CFH: variants seen among roughly 807,000 people sequenced by gnomAD.
The protein encoded by CFH is complement factor H, also known as H factor 1 (complement).
In CFH, 53 loss-of-function variants were observed where a neutral mutation model predicts 147.3. That is an observed-to-expected ratio of 0.36 (90% CI 0.29 to 0.45). The LOEUF (loss-of-function observed/expected upper bound fraction) is 0.45, where lower values mean the gene tolerates loss of function less well. Ranked by LOEUF, CFH falls within the 20% of genes least tolerant of loss-of-function variation. CFH has a pLI of 1.00. For synonymous variants in CFH, 536 were observed against 489.4 expected (o/e 1.10, Z -1.26); for missense variants, 1,380 against 1,498.0 (o/e 0.92, Z 1.30).
At chr1:196,697,366 A>G (rs1219078586) in intron 9 of CFH, among the ~76,000 whole-genome samples, 3 of 152,238 alleles carry the variant, frequency 2.0e-5, no homozygotes, top group Admixed American at 6.5e-5. Context: ...GACACTTCTC[A>G]AAAGAAGACA....
rs374704701 is a variant in CFH, at chr1:196,728,423, G to T, written c.2314G>T (p.Asp772Tyr). Residue 772 changes from aspartate to tyrosine, a missense_variant, in exon 15 of 22, where the codon GAT (aspartate) becomes TAT (tyrosine). This residue lies in a region of CFH where 830 missense variants were observed against 821.4 expected (regional missense o/e 1.01). Coordinates refer to ENST00000367429, the MANE Select transcript of CFH (RefSeq NM_000186.4). ...EEHLKNKKEF[D>Y]HNSNIRYRCR... is the part of the protein sequence containing the mutation. Reference sequence around the variant, plus strand: ...ACATTTAAAAAACAAGAAGGAATTCGATCATAATTCTAACATAAGGTACAG... The same window carrying T: ...ACATTTAAAAAACAAGAAGGAATTCTATCATAATTCTAACATAAGGTACAG... 2 of 1,608,972 alleles carry T rather than the reference G, an allele frequency of 1.2e-6. No homozygotes were observed. Among genetic ancestry groups the T allele is most frequent in the East Asian group, 4.5e-5 (2 of 44,636 alleles).
intron 1 of CFH, among the ~76,000 whole-genome samples, chr1:196,664,818 T>A (rs1667026211): frequency 6.6e-6 from 1 of 152,144 alleles, no homozygotes; most frequent in African/African-American, 2.4e-5. Flanking sequence ...AAACACTCTG[T>A]ACCTAAATAT....
intron 9 of CFH, among the ~76,000 whole-genome samples, chr1:196,694,976 T>C (rs1208265612): frequency 6.6e-6 from 1 of 152,226 alleles, no homozygotes; most frequent in Admixed American, 6.5e-5. Flanking sequence ...CTGATGATAG[T>C]TTCTTTTGCT....
rs1485688529 is a variant in CFH at position 196,718,581 on chromosome 1, C to T, written c.1696+2812C>T. Among the ~76,000 whole-genome samples, 2 of 151,902 alleles carry T rather than the reference C, an allele frequency of 1.3e-5. 1 individual carries two copies. Among genetic ancestry groups the T allele is most frequent in the Non-Finnish European group, 2.9e-5 (2 of 67,954 alleles). Reference sequence around the variant, plus strand: ...TTTTGCTCTAATTGAGAGGGGGAGGCTTAATTTAAGAGACTCATAAATTTC... The same window carrying T: ...TTTTGCTCTAATTGAGAGGGGGAGGTTTAATTTAAGAGACTCATAAATTTC... On this transcript the variant is annotated intron_variant, in intron 11 of 21. Coordinates refer to ENST00000367429, the MANE Select transcript of CFH (RefSeq NM_000186.4).
chr1:196,677,276 G>A, intron 4 of CFH, 200 bp from the exon 5 acceptor site: 1 of 547,476 alleles, frequency 1.8e-6, no homozygotes, highest in Non-Finnish European at 3.3e-6. Context: ...CACTCCCATA[G>A]AAAAGAATCA....
chr1:196,725,216 A>C lies in CFH; in HGVS notation c.1792A>C (p.Lys598Gln), dbSNP rs751913123. Residue 598 changes from lysine to glutamine, a missense_variant, in exon 12 of 22, where the codon AAA (lysine) becomes CAA (glutamine). Physicochemically the swap from Lys to Gln is moderately conservative, Grantham distance 53 (BLOSUM62 1). Around this residue, in one of 4 missense-constraint regions of CFH, gnomAD observed 830 missense variants for 821.4 expected, o/e 1.01. Transcript: ENST00000367429. ...KVGEVLKFSCKPGFTIVGPNS... is the reference protein window; with the variant it reads ...KVGEVLKFSCQPGFTIVGPNS... ...TGGAGAGGTGTTGAAATTCTCCTGC[A>C]AACCAGGATTTACAATAGTTGGACC... The C allele has an allele frequency of 5.0e-6, 8 of 1,613,826 alleles. No homozygotes were observed. The South Asian group carries it at 8.8e-5, about 18-fold the overall frequency.
At chr1:196,661,300 A>G (rs1232516545) in intron 1 of CFH, among the ~76,000 whole-genome samples, 1 of 152,250 alleles carries the variant, frequency 6.6e-6, no homozygotes, top group African/African-American at 2.4e-5. Context: ...TTCTTATGAA[A>G]TATTGCAAAA....
intron 4 of CFH, among the ~76,000 whole-genome samples, chr1:196,676,722 T>A (rs1369564826): frequency 6.6e-6 from 1 of 152,130 alleles, no homozygotes; most frequent in Non-Finnish European, 1.5e-5. Flanking sequence ...AGAAACGTGA[T>A]AATCATTCAA....
At position 196,673,864 on chromosome 1, in the gene CFH, C is replaced by T. The variant is rs1215359473; in HGVS notation, c.252C>T (p.Pro84=). 6.2e-7 allele frequency: 1 copy of T among 1,611,630 alleles called. No homozygotes were observed. Among genetic ancestry groups the T allele is most frequent in the African/African-American group, 1.3e-5 (1 of 74,738 alleles). Reference sequence around the variant, plus strand: ...CTTTTTTTTTCGTTTTAGAAAGGCCCTGTGGACATCCTGGAGATACTCCTT... The same window carrying T: ...CTTTTTTTTTCGTTTTAGAAAGGCCTTGTGGACATCCTGGAGATACTCCTT... ...LNPLRKCQKR[P]CGHPGDTPFG... is the part of the protein sequence containing the mutation. Residue 84 remains proline (P), a synonymous_variant, in exon 3 of 22, where the codon CCC becomes CCT. Coordinates refer to ENST00000367429, the MANE Select transcript of CFH (RefSeq NM_000186.4).
intron 1 of CFH, among the ~76,000 whole-genome samples, chr1:196,658,558 CCCA>C (rs896480451): frequency 6.6e-6 from 1 of 151,586 alleles, no homozygotes; most frequent in African/African-American, 2.4e-5. Context: ...ACTACAGGCA[CCCA>C]CCACCAAGCC....
At chr1:196,742,100 C>G (rs1424749953) in intron 19 of CFH, 49 bp downstream of exon 19, 1 of 1,580,452 alleles carries the variant, frequency 6.3e-7, no homozygotes, top group African/African-American at 1.4e-5. Context: ...GTGGGCCCAG[C>G]CCAGTGGCTG....
intron 15 of CFH, among the ~76,000 whole-genome samples, chr1:196,731,921 G>C (rs380390): frequency 0.66 from 99,468 of 151,634 alleles, 33,372 homozygotes; most frequent in East Asian, 0.95. Flanking sequence ...TTCAATACTT[G>C]GTCTATAACT....
chr1:196,713,487 A>G (rs1668772116), intron 9 of CFH, among the ~76,000 whole-genome samples: 1 of 152,172 alleles, frequency 6.6e-6, no homozygotes, highest in Non-Finnish European at 1.5e-5. Context: ...CAGATTTCCA[A>G]TAATTTCTTA....
In CFH at chr1:196,675,010, C is replaced by T. The variant is rs546577030; in HGVS notation, c.351-979C>T. Among the ~76,000 whole-genome samples, 29 of 152,190 alleles carry T rather than the reference C, an allele frequency of 1.9e-4. No individual in the cohort carries two copies. The South Asian group carries it at 3.3e-3, about 17-fold the overall frequency. On this transcript the variant is annotated intron_variant, in intron 3 of 21. Coordinates refer to ENST00000367429, the MANE Select transcript of CFH (RefSeq NM_000186.4). ...GAGGTTTTTCAAATACATTTTTAGC[C>T]CTTCAATCATTACTGCTGATCTTAT...
chr1:196,745,985 C>T lies in CFH; in HGVS notation c.3479C>T (p.Pro1160Leu), dbSNP rs1296283282. ...ITCRNGQWSE[P>L]PKCLHPCVIS... ...TGTAGAAATGGACAATGGTCAGAAC[C>T]ACCAAAATGCTTACGTAAGTACTTT... The change falls in exon 21 of 22, where the codon CCA becomes CTA. Residue 1160 changes from proline (P) to leucine (L), a missense_variant. This residue lies in a region of CFH where 123 missense variants were observed against 185.3 expected (regional missense o/e 0.66). Coordinates refer to ENST00000367429, the MANE Select transcript of CFH (RefSeq NM_000186.4). 3 of 1,614,092 alleles carry T rather than the reference C, an allele frequency of 1.9e-6. No individual in the cohort carries two copies. Among genetic ancestry groups the T allele is most frequent in the Non-Finnish European group, 2.5e-6 (3 of 1,179,998 alleles).
chr1:196,698,693 G>T (rs532355253), intron 9 of CFH, among the ~76,000 whole-genome samples: 1 of 152,090 alleles, frequency 6.6e-6, no homozygotes, highest in Non-Finnish European at 1.5e-5. Context: ...TCAAACAATA[G>T]AAAAAGAAGG....
intron 1 of CFH, among the ~76,000 whole-genome samples, chr1:196,665,205 T>A (rs1667040069): frequency 1.3e-5 from 2 of 151,676 alleles, no homozygotes; most frequent in South Asian, 4.1e-4. Context: ...TAAGAATAAT[T>A]TTTCAGTTAA....
At chr1:196,727,755 C>A (rs933005152) in intron 14 of CFH, among the ~76,000 whole-genome samples, 1 of 152,040 alleles carries the variant, frequency 6.6e-6, no homozygotes, top group African/African-American at 2.4e-5. Flanking sequence ...GAATGTGCTG[C>A]AGGGTTGGTG....
At position 196,726,487 on chromosome 1, in the gene CFH, G is replaced by T. The variant is rs755468289; in HGVS notation, c.1891G>T (p.Gly631Cys). Reference protein sequence around the residue: ...PICKEQVQSCGPPPELLNGNV... With the variant: ...PICKEQVQSCCPPPELLNGNV... The stretch of plus-strand genomic sequence containing the variant: ...TACTATAGAGCAAGTACAATCATGT[G>T]GTCCACCTCCTGAACTCCTCAATGG... Residue 631 changes from glycine (G) to cysteine (C), a missense_variant, in exon 13 of 22, where the codon GGT becomes TGT. Around this residue, in one of 4 missense-constraint regions of CFH, gnomAD observed 830 missense variants for 821.4 expected, o/e 1.01. Transcript: ENST00000367429. 2.5e-6 allele frequency: 4 copies of T among 1,610,778 alleles called. No homozygotes were observed. The South Asian group carries it at 3.3e-5, about 13-fold the overall frequency.
Sources: gnomAD v4.1 joint callset for allele counts (sites outside exome capture counted in the v4.1 genomes callset) on GRCh38, gnomAD v4.1.1 for gene constraint, gnomAD v4.1.1 regional missense constraint, MANE v1.5 for transcripts, NCBI Gene and HGNC (gene_info 2026-07-23, HGNC 2026-07-21) for gene names.